Variants in AUTS2 observed in about 807,000 individuals in gnomAD.
The protein encoded by AUTS2 is activator of transcription and developmental regulator AUTS2.
AUTS2 carries 17 observed loss-of-function variants against 112.4 expected under a neutral mutation model. The ratio of observed to expected loss-of-function variants is 0.15; its 90% confidence interval spans 0.10 to 0.23. The LOEUF is 0.23. Among genes scored for constraint, AUTS2 ranks in the 10% least tolerant of loss-of-function variants. AUTS2 has a pLI of 1.00. For synonymous variants in AUTS2, 751 were observed against 702.7 expected (o/e 1.07, Z -1.09); for missense variants, 1,510 against 1,701.6 (o/e 0.89, Z 1.98).
chr7:70,786,922 A>G (rs552257479), intron 17 of AUTS2: 5 of 487,336 alleles, frequency 1.0e-5, no homozygotes, highest in Admixed American at 1.0e-4. Flanking sequence ...AGATACGTTG[A>G]ATTAGGTCAT....
chr7:70,561,100 A>G (rs1453810633), intron 5 of AUTS2, among the ~76,000 whole-genome samples: 1 of 152,194 alleles, frequency 6.6e-6, no homozygotes, highest in African/African-American at 2.4e-5. Flanking sequence ...GCAGGGCTGA[A>G]CTGTCATCAT....
At chr7:70,223,317 C>T (rs1242769090) in intron 4 of AUTS2, among the ~76,000 whole-genome samples, 1 of 152,180 alleles carries the variant, frequency 6.6e-6, no homozygotes, top group East Asian at 1.9e-4. Flanking sequence ...GTTCGGTTTA[C>T]ATTCCTCATA....
intron 1 of AUTS2, among the ~76,000 whole-genome samples, chr7:69,635,276 C>T (rs759938916): frequency 3.9e-5 from 6 of 152,166 alleles, no homozygotes; most frequent in Admixed American, 2.0e-4. Context: ...TAAGTGAAAT[C>T]CATAAGGAAA....
At chr7:69,683,301 C>T (rs530604613) in intron 1 of AUTS2, among the ~76,000 whole-genome samples, 8 of 152,306 alleles carry the variant, frequency 5.3e-5, no homozygotes, top group Admixed American at 1.3e-4. Context: ...GTCCTGCACA[C>T]GTGGCAACAA....
intron 2 of AUTS2, among the ~76,000 whole-genome samples, chr7:69,965,881 C>T (rs1178060609): frequency 1.3e-5 from 2 of 152,242 alleles, no homozygotes; most frequent in East Asian, 3.9e-4. Context: ...TGAAGTTTTA[C>T]TATGCACTTG....
rs1293788230 is a variant in AUTS2 at position 70,640,358 on chromosome 7, G to T, written c.691-58211G>T. 4.4e-5 allele frequency among the ~76,000 whole-genome samples: 6 copies of T among 136,772 alleles called. No homozygotes were observed. In the East Asian group the frequency reaches 1.4e-3, roughly 32 times the overall value. 89.7% of individuals were successfully genotyped at this position (136,772 alleles called of 152,430 possible). ...AAATCTCTCAAGGGGAAAAGTTAGA[G>T]CCCCAACACTTGACTCATTTAGAAC... On this transcript the variant is annotated intron_variant, in intron 5 of 18. Coordinates refer to ENST00000342771, the MANE Select transcript of AUTS2 (RefSeq NM_015570.4).
At chr7:69,748,018 G>A (rs978962567) in intron 1 of AUTS2, among the ~76,000 whole-genome samples, 2 of 150,930 alleles carry the variant, frequency 1.3e-5, no homozygotes, top group Non-Finnish European at 2.9e-5. Flanking sequence ...ATCGAATCTA[G>A]ATAGAATAAA....
chr7:70,601,804 G>C (rs1803486417), intron 5 of AUTS2, among the ~76,000 whole-genome samples: 1 of 152,164 alleles, frequency 6.6e-6, no homozygotes, highest in Non-Finnish European at 1.5e-5. Flanking sequence ...ACCTTCACCA[G>C]CCTCAGCAAG....
chr7:69,719,596 A>G (rs1472211847), intron 1 of AUTS2, among the ~76,000 whole-genome samples: 5 of 152,204 alleles, frequency 3.3e-5, no homozygotes, highest in South Asian at 4.1e-4. Flanking sequence ...GGATCATGCA[A>G]TGGACTGCCT....
At chr7:69,895,043 C>T (rs954224309) in intron 1 of AUTS2, among the ~76,000 whole-genome samples, 4 of 152,088 alleles carry the variant, frequency 2.6e-5, no homozygotes, top group Non-Finnish European at 4.4e-5. Flanking sequence ...CTAGAGACTG[C>T]CCAGGTTTCC....
chr7:70,322,053 C>T (rs1292674803), intron 4 of AUTS2, among the ~76,000 whole-genome samples: 1 of 152,072 alleles, frequency 6.6e-6, no homozygotes, highest in Non-Finnish European at 1.5e-5. Context: ...AGACAGAATT[C>T]CTCTTTAGAT....
chr7:70,296,739 A>G (rs1192796277), intron 4 of AUTS2, among the ~76,000 whole-genome samples: 1 of 152,108 alleles, frequency 6.6e-6, no homozygotes, highest in Non-Finnish European at 1.5e-5. Flanking sequence ...CATTGTGTAC[A>G]TCTGTCAGTA....
At chr7:70,194,804 G>A (rs1273991336) in intron 4 of AUTS2, 1 of 152,198 alleles carries the variant, frequency 6.6e-6, no homozygotes, top group Admixed American at 6.5e-5. Context: ...AAATGTTACT[G>A]TTGTGTCTTG....
At chr7:70,698,534 A>G in intron 5 of AUTS2, 35 bp from the exon 6 acceptor site, 1 of 1,561,750 alleles carries the variant, frequency 6.4e-7, no homozygotes, top group Non-Finnish European at 8.8e-7. Context: ...ATTAATGACA[A>G]TAATAATGCT....
At chr7:70,154,952 C>T (rs1807661559) in intron 4 of AUTS2, among the ~76,000 whole-genome samples, 1 of 152,134 alleles carries the variant, frequency 6.6e-6, no homozygotes, top group Non-Finnish European at 1.5e-5. Flanking sequence ...TAGGAGCTGT[C>T]AGAGCCCCCC....
Position 69,649,566 on chromosome 7 carries a change from C to T in AUTS2, c.309+49604C>T, listed in dbSNP as rs115000808. On this transcript the variant is annotated intron_variant, in intron 1 of 18. Coordinates refer to ENST00000342771, the MANE Select transcript of AUTS2 (RefSeq NM_015570.4). ...AGCAGAGTCACCTCATCCTCCTTTC[C>T]GTGGCCAACTCAAAGACTTACAACC... Among the ~76,000 whole-genome samples the T allele has an allele frequency of 2.0e-3, 304 of 152,076 alleles. 1 individual carries two copies. Among genetic ancestry groups the T allele is most frequent in the African/African-American group, 6.9e-3 (285 of 41,482 alleles).
chr7:69,755,550 C>CGA (rs1311602587), intron 1 of AUTS2, among the ~76,000 whole-genome samples: 5 of 152,110 alleles, frequency 3.3e-5, no homozygotes, highest in Non-Finnish European at 7.4e-5. Context: ...TTTTACGGGT[C>CGA]TGACATCGCT....
At chr7:70,124,348 G>T (rs1010902182) in intron 3 of AUTS2, among the ~76,000 whole-genome samples, 8 of 152,078 alleles carry the variant, frequency 5.3e-5, no homozygotes, top group African/African-American at 1.9e-4. Context: ...GTGCAGAAGT[G>T]CTTAAGTTTA....
rs538266111 is a variant in AUTS2 at position 70,139,915 on chromosome 7, C to T, written c.660+5344C>T. Among the ~76,000 whole-genome samples the T allele has an allele frequency of 1.1e-4, 16 of 152,216 alleles. No individual in the cohort carries two copies. The East Asian group carries it at 3.1e-3, about 29-fold the overall frequency. On this transcript the variant is annotated intron_variant, in intron 4 of 18. Transcript: ENST00000342771. The stretch of plus-strand genomic sequence containing the variant: ...GCTCGGGAGGCTGAGGCAGGAGAAT[C>T]ACTTGAACCTGGGAGGCAGAGGTTG...
Sources: gnomAD v4.1 joint callset for allele counts (sites outside exome capture counted in the v4.1 genomes callset) on GRCh38, gnomAD v4.1.1 for gene constraint, MANE v1.5 for transcripts, NCBI Gene and HGNC (gene_info 2026-07-23, HGNC 2026-07-21) for gene names.